Variants in CHCHD3 observed in about 807,000 individuals in gnomAD.
The protein encoded by CHCHD3 is MICOS complex subunit MIC19.
CHCHD3 carries 20 observed loss-of-function variants against 38.2 expected under a neutral mutation model. The ratio of observed to expected loss-of-function variants is 0.52; its 90% CI spans 0.37 to 0.76. The LOEUF (loss-of-function observed/expected upper bound fraction) is 0.76. CHCHD3 is among the 30% of genes least tolerant of loss of function. The pLI is 0.00. For synonymous variants in CHCHD3, 82 were observed against 100.0 expected (o/e 0.82, Z 1.07); for missense variants, 245 against 279.2 (o/e 0.88, Z 0.87).
chr7:132,985,220 C>T (rs1454766066), intron 3 of CHCHD3, among the ~76,000 whole-genome samples: 8 of 83,228 alleles, frequency 9.6e-5, no homozygotes, highest in Admixed American at 2.6e-4. Context: ...GCCCCCCGCC[C>T]GGCCAGCCGC....
intron 4 of CHCHD3, among the ~76,000 whole-genome samples, chr7:132,914,235 A>T (rs1810044744): frequency 6.6e-6 from 1 of 151,394 alleles, no homozygotes; most frequent in Non-Finnish European, 1.5e-5. Flanking sequence ...TGATCCGCCC[A>T]CCTTGGCCTC....
chr7:132,811,155 A>G (rs1359828372), intron 6 of CHCHD3, among the ~76,000 whole-genome samples: 1 of 152,168 alleles, frequency 6.6e-6, no homozygotes, highest in Non-Finnish European at 1.5e-5. Flanking sequence ...TTCTATTGAT[A>G]CTTTGGAGGA....
intron 4 of CHCHD3, among the ~76,000 whole-genome samples, chr7:132,894,562 T>C (rs983816337): frequency 6.6e-6 from 1 of 152,210 alleles, no homozygotes; most frequent in South Asian, 2.1e-4. Flanking sequence ...CATGCTTACT[T>C]ACCCACTACT....
rs146661898 is a variant in CHCHD3, at chr7:132,983,092, C to T, written c.252-7806G>A. Among the ~76,000 whole-genome samples the T allele has an allele frequency of 1.3e-3, 202 of 152,148 alleles. 1 individual carries two copies. Among genetic ancestry groups the T allele is most frequent in the African/African-American group, 4.8e-3 (199 of 41,506 alleles). ...AATCCCAGCACTTTGGGAGGCAAGACGGGTGGATTACCTGAGGTCAGGAGT... is the reference window on the plus strand; with the variant it reads ...AATCCCAGCACTTTGGGAGGCAAGATGGGTGGATTACCTGAGGTCAGGAGT... On this transcript the variant is annotated intron_variant, in intron 3 of 7. Coordinates refer to ENST00000262570, the MANE Select transcript of CHCHD3 (RefSeq NM_017812.4).
chr7:132,846,611 G>A (rs1416750360), intron 5 of CHCHD3, among the ~76,000 whole-genome samples: 2 of 152,216 alleles, frequency 1.3e-5, no homozygotes, highest in African/African-American at 4.8e-5. Context: ...ATACCTAGGA[G>A]TAGGTATCTT....
chr7:133,030,936 C>T (rs1204213881), intron 2 of CHCHD3, among the ~76,000 whole-genome samples: 1 of 152,126 alleles, frequency 6.6e-6, no homozygotes. Context: ...TTGAAAGCAG[C>T]TCTGGATTCC....
intron 2 of CHCHD3, among the ~76,000 whole-genome samples, chr7:133,042,098 G>C (rs973552678): frequency 3.3e-5 from 5 of 152,124 alleles, no homozygotes; most frequent in Non-Finnish European, 7.4e-5. Flanking sequence ...ACATTCCTAG[G>C]AAATGTAAAT....
At chr7:132,884,750 C>CT (rs1222601305) in intron 5 of CHCHD3, among the ~76,000 whole-genome samples, 2 of 152,166 alleles carry the variant, frequency 1.3e-5, no homozygotes, top group Non-Finnish European at 2.9e-5. Context: ...GAAAAGGGCA[C>CT]TGATAAGGTG....
Position 133,027,363 on chromosome 7 carries a change from A to AAGAGAG in CHCHD3, c.170-2742_170-2737dup, listed in dbSNP as rs371411456. On this transcript the variant is annotated intron_variant, in intron 2 of 7. Coordinates refer to ENST00000262570, the MANE Select transcript of CHCHD3 (RefSeq NM_017812.4). Reference sequence around the variant, plus strand: ...TGCTAAATGTACCTTAATAAGTTGTAAGAGAGAGAGAGAGAGAGAGAGAAA... The same window carrying AAGAGAG: ...TGCTAAATGTACCTTAATAAGTTGTAAGAGAGAGAGAGAGAGAGAGAGAGAGAGAAA... Among the ~76,000 whole-genome samples, 242 of 133,706 alleles carry AAGAGAG rather than the reference A, an allele frequency of 1.8e-3. 1 individual carries two copies. The highest frequency in any genetic ancestry group is 5.1e-3 in the South Asian group (18 of 3,538). The allele number at this position is 133,706 out of a possible 152,430, so 87.7% of individuals were successfully genotyped here.
chr7:132,812,200 C>CTTTTCTTTTT (rs1554495564), intron 6 of CHCHD3, among the ~76,000 whole-genome samples: 2 of 81,058 alleles, frequency 2.5e-5, no homozygotes, highest in Non-Finnish European at 4.9e-5. Flanking sequence ...TTTTTCTTTT[C>CTTTTCTTTTT]TTTTTTTTTT....
At chr7:132,919,097 A>ATTTTTT (rs1585637830) in intron 4 of CHCHD3, among the ~76,000 whole-genome samples, 11 of 62,050 alleles carry the variant, frequency 1.8e-4, no homozygotes, top group East Asian at 5.9e-4. Flanking sequence ...AGTTGGGTTT[A>ATTTTTT]TTCTTTTTTT....
At chr7:132,872,160 A>C (rs1040850971) in intron 5 of CHCHD3, among the ~76,000 whole-genome samples, 1 of 152,142 alleles carries the variant, frequency 6.6e-6, no homozygotes, top group Non-Finnish European at 1.5e-5. Context: ...GAGCCTGGGG[A>C]AGTTGAAGTT....
At chr7:132,920,471 T>C (rs1259129336) in intron 4 of CHCHD3, among the ~76,000 whole-genome samples, 1 of 151,986 alleles carries the variant, frequency 6.6e-6, no homozygotes, top group Non-Finnish European at 1.5e-5. Flanking sequence ...GACATGCAAG[T>C]CCCCCAAAAA....
chr7:132,950,983 C>A (rs1264710663), intron 4 of CHCHD3, among the ~76,000 whole-genome samples: 2 of 152,110 alleles, frequency 1.3e-5, no homozygotes, highest in Non-Finnish European at 2.9e-5. Context: ...GGCACAGCAC[C>A]CTTAACCATC....
At chr7:132,810,701 C>T (rs953057018) in intron 6 of CHCHD3, among the ~76,000 whole-genome samples, 1 of 152,184 alleles carries the variant, frequency 6.6e-6, no homozygotes, top group African/African-American at 2.4e-5. Context: ...ATGCATTTCT[C>T]AATTCATGTC....
chr7:132,837,214 G>A (rs1398990334), intron 6 of CHCHD3, among the ~76,000 whole-genome samples: 3 of 152,070 alleles, frequency 2.0e-5, no homozygotes, highest in Non-Finnish European at 4.4e-5. Flanking sequence ...GAGCCAACTC[G>A]AAGGTTCTCA....
At chr7:133,019,608 G>A (rs757950199) in intron 3 of CHCHD3, among the ~76,000 whole-genome samples, 4 of 152,060 alleles carry the variant, frequency 2.6e-5, no homozygotes, top group African/African-American at 4.8e-5. Flanking sequence ...CTAAAAGTGC[G>A]GGAAAAATCT....
chr7:132,842,979 C>T (rs897056207), intron 5 of CHCHD3, among the ~76,000 whole-genome samples: 1 of 152,128 alleles, frequency 6.6e-6, no homozygotes, highest in Non-Finnish European at 1.5e-5. Context: ...TATCCACTGG[C>T]GAGTCCTGCC....
chr7:132,961,491 G>A (rs746531200), intron 4 of CHCHD3, among the ~76,000 whole-genome samples: 5 of 151,924 alleles, frequency 3.3e-5, no homozygotes, highest in Non-Finnish European at 2.9e-5. Context: ...AATTACATAT[G>A]TTTTAGGTAT....
Sources: allele counts gnomAD v4.1 joint callset (sites outside exome capture counted in the v4.1 genomes callset), GRCh38; gene constraint gnomAD v4.1.1; transcripts MANE v1.5; gene names NCBI Gene and HGNC (gene_info 2026-07-23, HGNC 2026-07-21).